HMGA2: variants seen among roughly 807,000 people sequenced by gnomAD.
HMGA2 encodes the protein high mobility group AT-hook 2.
A neutral mutation model predicts 19.1 loss-of-function variants in HMGA2; 8 were observed. That is an observed-to-expected ratio of 0.42 (90% CI 0.25 to 0.76). The LOEUF (loss-of-function observed/expected upper bound fraction) is 0.76. Ranked by LOEUF, HMGA2 falls within the 30% of genes least tolerant of loss-of-function variation. HMGA2 has a pLI of 0.28. For missense variants in HMGA2, 109 were observed against 136.3 expected, an observed-to-expected ratio of 0.80 and a Z score of 1.00; for synonymous variants, 60 against 48.8, an observed-to-expected ratio of 1.23 and a Z score of -0.96.
At chr12:65,868,608 A>T (rs1265962847) in intron 3 of HMGA2, among the ~76,000 whole-genome samples, 1 of 152,142 alleles carries the variant, frequency 6.6e-6, no homozygotes, top group Admixed American at 6.5e-5. Context: ...TTTATACATA[A>T]TCACCATTTG....
At chr12:65,854,694 A>G (rs969703550) in intron 3 of HMGA2, among the ~76,000 whole-genome samples, 5 of 152,198 alleles carry the variant, frequency 3.3e-5, no homozygotes, top group Non-Finnish European at 5.9e-5. Flanking sequence ...TAAGCCCAAC[A>G]TGCATTAGCT....
chr12:65,915,193 T>C, intron 3 of HMGA2: 3 of 1,608,330 alleles, frequency 1.9e-6, no homozygotes, highest in South Asian at 1.1e-5. Context: ...AATTGTCCAT[T>C]ACATCTATGA....
intron 2 of HMGA2, 74 bp from the exon 3 acceptor site, chr12:65,838,445 A>G: frequency 8.7e-7 from 1 of 1,148,830 alleles, no homozygotes; most frequent in Non-Finnish European, 1.3e-6. Context: ...TCTTACTTCA[A>G]ATGTGTCCCT....
At chr12:65,862,053 C>T (rs886841089) in intron 3 of HMGA2, among the ~76,000 whole-genome samples, 2 of 152,122 alleles carry the variant, frequency 1.3e-5, no homozygotes, top group East Asian at 3.9e-4. Context: ...CCATGTTGAT[C>T]AGGCTGGTCT....
chr12:65,885,559 G>T (rs1030472773), intron 3 of HMGA2, among the ~76,000 whole-genome samples: 13 of 152,124 alleles, frequency 8.5e-5, no homozygotes, highest in African/African-American at 3.1e-4. Context: ...ATTTTCTTGT[G>T]CACTAGCAGC....
intron 3 of HMGA2, among the ~76,000 whole-genome samples, chr12:65,921,082 C>A (rs1204086821): frequency 6.6e-6 from 1 of 152,168 alleles, no homozygotes; most frequent in Non-Finnish European, 1.5e-5. Flanking sequence ...GGAACTGGCA[C>A]AAAGGTGACT....
chr12:65,837,103 C>T (rs1270710253), intron 2 of HMGA2, among the ~76,000 whole-genome samples: 1 of 152,148 alleles, frequency 6.6e-6, no homozygotes, highest in African/African-American at 2.4e-5. Context: ...ATAATACCCA[C>T]TTTATAAGGC....
At chr12:65,918,011 A>T (rs752394654) in intron 3 of HMGA2, among the ~76,000 whole-genome samples, 1 of 152,204 alleles carries the variant, frequency 6.6e-6, no homozygotes, top group East Asian at 1.9e-4. Flanking sequence ...TCAAACTAAA[A>T]CATCCATTCT....
chr12:65,918,115 T>C (rs938766525), intron 3 of HMGA2, among the ~76,000 whole-genome samples: 1 of 152,214 alleles, frequency 6.6e-6, no homozygotes, highest in Non-Finnish European at 1.5e-5. Flanking sequence ...CCTTGTGAAG[T>C]GCTTGTGAAA....
intron 1 of HMGA2, chr12:65,826,228 G>GA (rs1335128458): frequency 6.6e-6 from 1 of 152,352 alleles, no homozygotes; most frequent in Non-Finnish European, 1.5e-5. Context: ...CCAGTGGCCG[G>GA]GGGTTGAGTA....
At chr12:65,856,938 A>T (rs1460190477) in intron 3 of HMGA2, 1 of 152,196 alleles carries the variant, frequency 6.6e-6, no homozygotes, top group Non-Finnish European at 1.5e-5. Flanking sequence ...CCAAGACCTT[A>T]TTTCCAAATA....
chr12:65,824,578 C>T lies in HMGA2; in HGVS notation c.-693C>T. On this transcript the variant is annotated 5_prime_UTR_variant, in exon 1 of 5. Transcript: ENST00000403681. ...CTCTCCGGTGCCGCCGCTGCCTGCT[C>T]CCGCCACCCTAGGAGGCGCGGTGCC... The T allele has an allele frequency of 4.3e-6, 1 of 233,372 alleles. No homozygotes were observed. The highest frequency in any genetic ancestry group is 6.1e-5 in the East Asian group (1 of 16,496). The allele number at this position is 233,372 out of a possible 1,614,324, so 14.5% of individuals were successfully genotyped here.
intron 3 of HMGA2, among the ~76,000 whole-genome samples, chr12:65,942,413 A>ATGTG (rs762450937): frequency 2.0e-5 from 3 of 152,036 alleles, no homozygotes; most frequent in African/African-American, 7.2e-5. Flanking sequence ...ATATGTATAT[A>ATGTG]TGTGTGTGTG....
intron 3 of HMGA2, among the ~76,000 whole-genome samples, chr12:65,939,512 C>T (rs1398927056): frequency 1.3e-5 from 2 of 152,108 alleles, no homozygotes; most frequent in Non-Finnish European, 2.9e-5. Context: ...CCCACCACCA[C>T]ACCTGGCTAA....
intron 3 of HMGA2, among the ~76,000 whole-genome samples, chr12:65,911,812 C>G (rs1305665110): frequency 6.6e-6 from 1 of 152,126 alleles, no homozygotes; most frequent in Non-Finnish European, 1.5e-5. Flanking sequence ...TAAGAACTTA[C>G]CATGGTAAAT....
intron 3 of HMGA2, among the ~76,000 whole-genome samples, chr12:65,930,949 G>A (rs554661743): frequency 1.5e-4 from 23 of 152,158 alleles, no homozygotes; most frequent in Non-Finnish European, 2.4e-4. Context: ...ACTAAGACAG[G>A]AAAAAAGGAA....
At chr12:65,895,643 C>A (rs1363933118) in intron 3 of HMGA2, among the ~76,000 whole-genome samples, 1 of 152,148 alleles carries the variant, frequency 6.6e-6, no homozygotes, top group Non-Finnish European at 1.5e-5. Flanking sequence ...GGGGTTTCAG[C>A]AAACAAATAC....
At chr12:65,898,654 A>T (rs1874237353) in intron 3 of HMGA2, among the ~76,000 whole-genome samples, 1 of 152,170 alleles carries the variant, frequency 6.6e-6, no homozygotes, top group Non-Finnish European at 1.5e-5. Flanking sequence ...GGTGGTAGCC[A>T]CTATACAATG....
intron 2 of HMGA2, among the ~76,000 whole-genome samples, chr12:65,836,199 A>AC (rs1204607093): frequency 2.6e-5 from 4 of 152,010 alleles, no homozygotes; most frequent in Admixed American, 2.6e-4. Flanking sequence ...CTCTACTAAA[A>AC]ATACAAAAAA....
Sources: gnomAD v4.1 joint callset for allele counts (sites outside exome capture counted in the v4.1 genomes callset) on GRCh38, gnomAD v4.1.1 for gene constraint, MANE v1.5 for transcripts, NCBI Gene and HGNC (gene_info 2026-07-23, HGNC 2026-07-21) for gene names.